The following SHROOM4 variants were observed in gnomAD, a reference collection of about 807,000 sequenced individuals.
SHROOM4 encodes the protein protein Shroom4.
In SHROOM4, 17 loss-of-function variants were observed where a neutral mutation model predicts 80.3. The observed-to-expected ratio is 0.21, with a 90% CI of 0.14 to 0.32. The LOEUF is 0.32. Among genes scored for constraint, SHROOM4 ranks in the 10% least tolerant of loss-of-function variants. SHROOM4 has a pLI of 1.00. For missense variants in SHROOM4, 993 were observed against 1,140.3 expected, an observed-to-expected ratio of 0.87 and a Z score of 1.86; for synonymous variants, 400 against 437.5, an observed-to-expected ratio of 0.91 and a Z score of 1.07.
chrX:50,692,720 T>A (rs1343368536), intron 2 of SHROOM4, among the ~76,000 whole-genome samples: 1 of 111,546 alleles, frequency 9.0e-6, no homozygotes. Context: ...ACTTAACATG[T>A]CACCTCCTAT....
chrX:50,719,632 A>C (rs1177666653), intron 1 of SHROOM4, among the ~76,000 whole-genome samples: 4 of 112,421 alleles, frequency 3.6e-5, no homozygotes, highest in Non-Finnish European at 7.5e-5. Context: ...GCCTAGCACA[A>C]GATTTGGCAC....
At chrX:50,578,644 TG>T in the SHROOM4 span, among the ~76,000 whole-genome samples, 2 of 111,445 alleles carry the variant, frequency 1.8e-5, no homozygotes, top group Non-Finnish European at 3.8e-5. Flanking sequence ...TTCACCATGT[TG>T]GCCAAGCTGG....
At chrX:50,806,442 G>A (rs1316186761) in intron 1 of SHROOM4, among the ~76,000 whole-genome samples, 3 of 112,274 alleles carry the variant, frequency 2.7e-5, no homozygotes, top group Admixed American at 1.9e-4. Flanking sequence ...ACACTAATGC[G>A]TAAGACAATT....
In SHROOM4 at chrX:50,602,757, T is replaced by A. The variant is rs1557247890; in HGVS notation, c.3818A>T (p.Tyr1273Phe). 2 of 1,211,069 alleles carry A rather than the reference T, an allele frequency of 1.7e-6. No homozygotes were observed. Among genetic ancestry groups the A allele is most frequent in the Admixed American group, 2.2e-5 (1 of 45,990 alleles). The change falls in exon 7 of 9, where the codon TAC becomes TTC. Residue 1273 changes from tyrosine (Y) to phenylalanine (F), a missense_variant. Physicochemically the swap from Tyr to Phe is conservative, Grantham distance 22. Transcript: ENST00000376020. ...PSGAPGIPTS[Y>F]SAYYNISVAK... ...CACAGAAATATTGTAATAAGCTGAGTAAGAGGTAGGGATTCCTGGGGCCCC... is the reference window on the plus strand; with the variant it reads ...CACAGAAATATTGTAATAAGCTGAGAAAGAGGTAGGGATTCCTGGGGCCCC...
chrX:50,645,697 G>A (rs1299000746), intron 2 of SHROOM4, among the ~76,000 whole-genome samples: 2 of 111,976 alleles, frequency 1.8e-5, no homozygotes, highest in Non-Finnish European at 3.8e-5. Context: ...GAGAGGTGGT[G>A]GAGGGAAAAG....
Position 50,623,344 on chromosome X carries a change from T to C in SHROOM4, c.2957+4270A>G, listed in dbSNP as rs1930657995. 2.7e-5 allele frequency among the ~76,000 whole-genome samples: 3 copies of C among 110,733 alleles called. No homozygotes were observed. The South Asian group carries it at 1.2e-3, about 43-fold the overall frequency. On this transcript the variant is annotated intron_variant, in intron 5 of 8. Transcript: ENST00000376020. ...CTGGGATTACAGGCGCCTGCCACCA[T>C]GGCTGGCTAATTTTTATATTTTTAG...
At position 50,652,507 on chromosome X, in the gene SHROOM4, TC is replaced by T. The variant is rs1464524820; in HGVS notation, c.270-14200del. 2.7e-5 allele frequency among the ~76,000 whole-genome samples: 3 copies of T among 110,882 alleles called. No individual in the cohort carries two copies. In the East Asian group the frequency reaches 8.7e-4, roughly 32 times the overall value. ...GATGGATAGATTGCAAAAATTTTCT[TC>T]CATTCTGTAGGTTGCCTGTTCACTC... On this transcript the variant is annotated intron_variant, in intron 2 of 8. Coordinates refer to ENST00000376020, the MANE Select transcript of SHROOM4 (RefSeq NM_020717.5).
chrX:50,707,661 T>C (rs1390031156), intron 1 of SHROOM4, among the ~76,000 whole-genome samples: 1 of 102,773 alleles, frequency 9.7e-6, no homozygotes, highest in Non-Finnish European at 2.0e-5. Flanking sequence ...AAGTCTTGAG[T>C]GTATCTGTGA....
At chrX:50,783,625 G>A (rs1935675985) in intron 1 of SHROOM4, among the ~76,000 whole-genome samples, 1 of 109,724 alleles carries the variant, frequency 9.1e-6, no homozygotes, top group African/African-American at 3.3e-5. Flanking sequence ...ACCCAGCCTG[G>A]AGTGCAGTGG....
chrX:50,676,697 C>T (rs970307180), intron 2 of SHROOM4, among the ~76,000 whole-genome samples: 8 of 110,174 alleles, frequency 7.3e-5, no homozygotes, highest in Non-Finnish European at 1.1e-4. Flanking sequence ...TCAAAAACTG[C>T]GTTTAAATAT....
intron 1 of SHROOM4, among the ~76,000 whole-genome samples, chrX:50,718,517 T>A (rs1489779319): frequency 1.7e-4 from 6 of 34,837 alleles, no homozygotes; most frequent in Non-Finnish European, 7.1e-4. Flanking sequence ...TCTCAAAGGA[T>A]CCCATAATTT....
At chrX:50,602,568 G>T (rs913361405) in intron 7 of SHROOM4, 65 bp downstream of exon 7, 47 of 1,083,259 alleles carry the variant, frequency 4.3e-5, no homozygotes, top group Non-Finnish European at 5.9e-5. Context: ...GTAGAAGGCT[G>T]GTCATCCTCC....
intron 1 of SHROOM4, among the ~76,000 whole-genome samples, chrX:50,742,359 G>A (rs1200449053): frequency 1.8e-5 from 2 of 110,965 alleles, no homozygotes; most frequent in South Asian, 3.8e-4. Flanking sequence ...AACTAATACC[G>A]ATACACTTAT....
intron 1 of SHROOM4, among the ~76,000 whole-genome samples, chrX:50,750,509 G>T (rs1469110478): frequency 8.9e-6 from 1 of 111,774 alleles, no homozygotes; most frequent in African/African-American, 3.3e-5. Context: ...TGATCCACTC[G>T]CCTCGGCCTC....
chrX:50,717,815 T>A (rs1167459538), intron 1 of SHROOM4, among the ~76,000 whole-genome samples: 1 of 112,135 alleles, frequency 8.9e-6, no homozygotes, highest in Non-Finnish European at 1.9e-5. Flanking sequence ...TCCAGAGAGA[T>A]GACTTTATGT....
intron 1 of SHROOM4, among the ~76,000 whole-genome samples, chrX:50,761,310 G>T (rs1935150908): frequency 9.0e-6 from 1 of 111,608 alleles, no homozygotes; most frequent in South Asian, 3.8e-4. Context: ...TCCTGCGTTA[G>T]TTTCCTAAGG....
intron 5 of SHROOM4, among the ~76,000 whole-genome samples, chrX:50,620,510 T>C (rs1762129768): frequency 9.0e-6 from 1 of 111,682 alleles, no homozygotes; most frequent in South Asian, 3.8e-4. Context: ...GGCCAAATAA[T>C]ATGAACACAT....
At position 50,690,354 on chromosome X, in the gene SHROOM4, G is replaced by T. The variant is rs782139861; in HGVS notation, c.269+5432C>A. ...CATCTTTGTTTTCTTGATTAAATTT[G>T]CTAAAGGCTTATCTATTTAATTCAT... On this transcript the variant is annotated intron_variant, in intron 2 of 8. Transcript: ENST00000376020. Among the ~76,000 whole-genome samples, 8 of 111,405 alleles carry T rather than the reference G, an allele frequency of 7.2e-5. No individual in the cohort carries two copies. In the South Asian group the frequency reaches 3.0e-3, roughly 42 times the overall value.
At chrX:50,629,526 T>C (rs782620401) in intron 4 of SHROOM4, among the ~76,000 whole-genome samples, 60 of 111,841 alleles carry the variant, frequency 5.4e-4, no homozygotes, top group Admixed American at 2.8e-4. Flanking sequence ...ATGTAAAGCA[T>C]CTAGAATAGT....
Sources: allele counts gnomAD v4.1 joint callset (sites outside exome capture counted in the v4.1 genomes callset), GRCh38; gene constraint gnomAD v4.1.1; transcripts MANE v1.5; gene names NCBI Gene and HGNC (gene_info 2026-07-23, HGNC 2026-07-21).